CAMTA1: variants seen among roughly 807,000 people sequenced by gnomAD.
CAMTA1 encodes the protein calmodulin-binding transcription activator 1.
In CAMTA1, 27 loss-of-function variants were observed where a neutral mutation model predicts 170.9. That is an observed-to-expected ratio of 0.16 (90% CI 0.12 to 0.22). The LOEUF is 0.22. Ranked by LOEUF, CAMTA1 falls within the 10% of genes least tolerant of loss-of-function variation. The pLI is 1.00. For synonymous variants in CAMTA1, 833 were observed against 891.5 expected (o/e 0.93, Z 1.17); for missense variants, 1,619 against 2,217.2 (o/e 0.73, Z 5.42).
At chr1:7,537,717 A>C (rs995748045) in intron 6 of CAMTA1, among the ~76,000 whole-genome samples, 3 of 152,198 alleles carry the variant, frequency 2.0e-5, no homozygotes, top group African/African-American at 7.2e-5. Context: ...GCCCCAGACA[A>C]ATAGACACAC....
At chr1:7,560,717 C>T (rs1576061471) in intron 6 of CAMTA1, among the ~76,000 whole-genome samples, 2 of 152,260 alleles carry the variant, frequency 1.3e-5, no homozygotes, top group South Asian at 4.1e-4. Flanking sequence ...TCACTGAGCA[C>T]GGTAACCCAC....
intron 3 of CAMTA1, among the ~76,000 whole-genome samples, chr1:6,881,416 G>A (rs1053245164): frequency 5.3e-5 from 8 of 152,200 alleles, no homozygotes; most frequent in Non-Finnish European, 1.2e-4. Context: ...TCTAGAGTGA[G>A]TATTCCAAGC....
chr1:7,500,205 G>A (rs1471211942), intron 6 of CAMTA1, among the ~76,000 whole-genome samples: 3 of 145,142 alleles, frequency 2.1e-5, no homozygotes, highest in African/African-American at 5.2e-5. Flanking sequence ...CCTGGTGTGC[G>A]TGTGTATGTA....
At chr1:7,139,277 A>G (rs1332204129) in intron 4 of CAMTA1, among the ~76,000 whole-genome samples, 2 of 142,814 alleles carry the variant, frequency 1.4e-5, no homozygotes, top group Non-Finnish European at 3.0e-5. Context: ...TAATATAAAT[A>G]TATTTATATT....
At chr1:7,541,088 C>T (rs1369525114) in intron 6 of CAMTA1, among the ~76,000 whole-genome samples, 5 of 152,240 alleles carry the variant, frequency 3.3e-5, no homozygotes, top group South Asian at 2.1e-4. Context: ...TGACCTTCCT[C>T]GAGGCTCCAG....
chr1:7,765,536 G>C (rs1423008299), intron 22 of CAMTA1, among the ~76,000 whole-genome samples: 1 of 152,186 alleles, frequency 6.6e-6, no homozygotes, highest in Non-Finnish European at 1.5e-5. Flanking sequence ...GTCCATCTGG[G>C]ATCACTGGGA....
At chr1:7,432,204 C>T (rs1225807445) in intron 5 of CAMTA1, among the ~76,000 whole-genome samples, 1 of 152,174 alleles carries the variant, frequency 6.6e-6, no homozygotes, top group Non-Finnish European at 1.5e-5. Context: ...CAGGAGCATC[C>T]GTATTCTCTT....
chr1:7,166,759 A>C (rs987417579), intron 4 of CAMTA1, among the ~76,000 whole-genome samples: 8 of 149,420 alleles, frequency 5.4e-5, no homozygotes, highest in African/African-American at 2.0e-4. Context: ...CTTTTAAGAA[A>C]GTGTTCCTAA....
chr1:6,962,527 T>A (rs1274632816), intron 3 of CAMTA1, among the ~76,000 whole-genome samples: 1 of 129,598 alleles, frequency 7.7e-6, no homozygotes, highest in Non-Finnish European at 1.6e-5. Flanking sequence ...GGACCTGCCC[T>A]CGTCTGGTCC....
chr1:6,908,493 T>C (rs977855040), intron 3 of CAMTA1, among the ~76,000 whole-genome samples: 2 of 152,220 alleles, frequency 1.3e-5, no homozygotes, highest in African/African-American at 2.4e-5. Flanking sequence ...TTCATGTCAG[T>C]GAACTGGCAA....
At chr1:7,098,182 G>T (rs1280134551) in intron 4 of CAMTA1, among the ~76,000 whole-genome samples, 1 of 152,198 alleles carries the variant, frequency 6.6e-6, no homozygotes, top group African/African-American at 2.4e-5. Context: ...TTGGTGGCCA[G>T]AGTTCGGAAG....
At chr1:7,312,633 C>G (rs1326938117) in intron 5 of CAMTA1, among the ~76,000 whole-genome samples, 1 of 152,238 alleles carries the variant, frequency 6.6e-6, no homozygotes, top group Non-Finnish European at 1.5e-5. Flanking sequence ...GGAACCAGAA[C>G]TGCTTCCATA....
At chr1:7,186,086 C>T (rs1028113227) in intron 4 of CAMTA1, among the ~76,000 whole-genome samples, 1 of 152,012 alleles carries the variant, frequency 6.6e-6, no homozygotes, top group South Asian at 2.1e-4. Flanking sequence ...CGTGGCTTTG[C>T]CTTACTCTAA....
chr1:7,015,429 G>A (rs554014699), intron 3 of CAMTA1, among the ~76,000 whole-genome samples: 262 of 152,310 alleles, frequency 1.7e-3, no homozygotes, highest in Non-Finnish European at 2.6e-3. Flanking sequence ...GGTCTGGTCA[G>A]ATGTCTTCCG....
chr1:7,133,000 T>C (rs1645349705), intron 4 of CAMTA1, among the ~76,000 whole-genome samples: 1 of 152,260 alleles, frequency 6.6e-6, no homozygotes, highest in African/African-American at 2.4e-5. Flanking sequence ...TGTTCATATC[T>C]TTTAAATATT....
At chr1:7,619,313 G>A (rs1237630981) in intron 6 of CAMTA1, among the ~76,000 whole-genome samples, 1 of 152,224 alleles carries the variant, frequency 6.6e-6, no homozygotes, top group Non-Finnish European at 1.5e-5. Flanking sequence ...GAACTGCAGG[G>A]TCAGCCTATT....
intron 5 of CAMTA1, among the ~76,000 whole-genome samples, chr1:7,467,120 C>T (rs889888219): frequency 3.3e-5 from 5 of 152,182 alleles, no homozygotes; most frequent in African/African-American, 1.2e-4. Context: ...TGATGGGCCC[C>T]TGAGAGCCAT....
chr1:7,502,793 G>A (rs1363776639), intron 6 of CAMTA1, among the ~76,000 whole-genome samples: 1 of 152,226 alleles, frequency 6.6e-6, no homozygotes, highest in Non-Finnish European at 1.5e-5. Flanking sequence ...GCTTAGTGGG[G>A]GATGTGTAGT....
chr1:7,498,259 T>TAA (rs557486533), intron 6 of CAMTA1, among the ~76,000 whole-genome samples: 5 of 137,874 alleles, frequency 3.6e-5, no homozygotes, highest in Admixed American at 2.8e-4. Context: ...GGAGAGTGTA[T>TAA]GAGAGAGCGT....
Sources: allele counts gnomAD v4.1 joint callset (sites outside exome capture counted in the v4.1 genomes callset), GRCh38; gene constraint gnomAD v4.1.1; transcripts MANE v1.5; gene names NCBI Gene and HGNC (gene_info 2026-07-23, HGNC 2026-07-21).